PXDNL: variants seen among roughly 807,000 people sequenced by gnomAD.
PXDNL encodes the protein peroxidasin like, also known as probable oxidoreductase PXDNL.
In PXDNL, 145 loss-of-function variants were observed where a neutral mutation model predicts 150.8. The observed-to-expected ratio is 0.96, with a 90% CI of 0.84 to 1.10. The LOEUF (loss-of-function observed/expected upper bound fraction) is 1.10, where lower values mean the gene tolerates loss of function less well. PXDNL is among the 50% of genes least tolerant of loss of function. PXDNL has a pLI of 0.00. For missense variants in PXDNL, 2,087 were observed against 1,873.9 expected (o/e 1.11, Z -2.10); for synonymous variants, 757 against 725.7 (o/e 1.04, Z -0.69).
chr8:51,650,361 A>G (rs775019679), intron 2 of PXDNL, among the ~76,000 whole-genome samples: 2 of 152,178 alleles, frequency 1.3e-5, no homozygotes, highest in Non-Finnish European at 1.5e-5. Flanking sequence ...CACTCACCCT[A>G]TAGCCACCCA....
At chr8:51,618,453 C>CT (rs1814174801) in intron 2 of PXDNL, among the ~76,000 whole-genome samples, 2 of 152,210 alleles carry the variant, frequency 1.3e-5, no homozygotes, top group Non-Finnish European at 2.9e-5. Context: ...CTCCAGTAAA[C>CT]TTTATCTGCT....
At chr8:51,616,387 C>T (rs1284013870) in intron 2 of PXDNL, among the ~76,000 whole-genome samples, 1 of 152,200 alleles carries the variant, frequency 6.6e-6, no homozygotes, top group African/African-American at 2.4e-5. Flanking sequence ...CTCCCTACAA[C>T]TTACCTTCGA....
intron 2 of PXDNL, among the ~76,000 whole-genome samples, chr8:51,617,528 C>T (rs751456873): frequency 7.9e-5 from 12 of 152,116 alleles, no homozygotes; most frequent in Non-Finnish European, 1.6e-4. Flanking sequence ...TTCACATGCG[C>T]CACATAGAGG....
chr8:51,593,687 T>G (rs1365510505), intron 2 of PXDNL, among the ~76,000 whole-genome samples: 1 of 152,194 alleles, frequency 6.6e-6, no homozygotes, highest in Admixed American at 6.5e-5. Flanking sequence ...TCCTAACTGA[T>G]TCACTGTAGG....
rs2130790676 is a variant in PXDNL, at chr8:51,374,668, A to G, written c.3621T>C (p.Pro1207=). Residue 1207 remains proline, a synonymous_variant, in exon 18 of 23, where the codon CCT becomes CCC. Transcript: ENST00000356297. ...TAAGTGTTGGTCCCACTCTTGTACC[A>G]GGAATCAGGTCTTCAACCATAAGGG... ...WPALMVEDLI[P]GTRVGPTLMC... is the part of the protein sequence containing the mutation. 1.2e-6 allele frequency: 2 copies of G among 1,613,968 alleles called. No individual in the cohort carries two copies. Among genetic ancestry groups the G allele is most frequent in the East Asian group, 2.2e-5 (1 of 44,876 alleles).
chr8:51,595,939 C>A (rs1455212895), intron 2 of PXDNL, among the ~76,000 whole-genome samples: 1 of 152,026 alleles, frequency 6.6e-6, no homozygotes, highest in African/African-American at 2.4e-5. Context: ...GGCACATGTG[C>A]AGATATGTTA....
chr8:51,744,829 CAGAA>C lies in PXDNL; in HGVS notation c.164+64348_164+64351del, dbSNP rs1412523446. 1.1e-3 allele frequency among the ~76,000 whole-genome samples: 133 copies of C among 124,866 alleles called. 1 individual carries two copies. The highest frequency in any genetic ancestry group is 6.8e-3 in the Middle Eastern group (1 of 146). The allele number at this position is 124,866 out of a possible 152,430, so 81.9% of individuals were successfully genotyped here. The stretch of plus-strand genomic sequence containing the variant: ...AGAAAGAAAGAGAAAGAAGGACAGA[CAGAA>C]AGAAAAGGAAGGAAGGAAAGAAGGA... On this transcript the variant is annotated intron_variant, in intron 1 of 22. Coordinates refer to ENST00000356297, the MANE Select transcript of PXDNL (RefSeq NM_144651.5).
At chr8:51,480,413 A>G (rs1810574930) in intron 6 of PXDNL, among the ~76,000 whole-genome samples, 1 of 152,100 alleles carries the variant, frequency 6.6e-6, no homozygotes, top group African/African-American at 2.4e-5. Context: ...AAAGCAGGAG[A>G]AAAGGTGGAG....
intron 21 of PXDNL, among the ~76,000 whole-genome samples, chr8:51,325,423 G>A (rs894438785): frequency 2.0e-5 from 3 of 152,282 alleles, no homozygotes; most frequent in South Asian, 2.1e-4. Flanking sequence ...CTTGGCCTCC[G>A]TTGACACACA....
intron 1 of PXDNL, among the ~76,000 whole-genome samples, chr8:51,668,601 T>C (rs963904070): frequency 3.3e-5 from 5 of 152,182 alleles, no homozygotes; most frequent in African/African-American, 1.2e-4. Flanking sequence ...TGTACAAATG[T>C]ATATGACTGC....
intron 4 of PXDNL, among the ~76,000 whole-genome samples, chr8:51,536,029 C>G (rs1049156370): frequency 1.3e-5 from 2 of 152,156 alleles, no homozygotes; most frequent in Non-Finnish European, 2.9e-5. Flanking sequence ...TCAGTGCAAC[C>G]AGAGCATGTG....
At chr8:51,686,374 A>G (rs891978999) in intron 1 of PXDNL, among the ~76,000 whole-genome samples, 2 of 152,244 alleles carry the variant, frequency 1.3e-5, no homozygotes, top group Non-Finnish European at 2.9e-5. Flanking sequence ...TACTTGGAGT[A>G]ACAGAAGCAT....
intron 4 of PXDNL, among the ~76,000 whole-genome samples, chr8:51,533,095 T>G (rs765867224): frequency 3.3e-5 from 5 of 152,194 alleles, no homozygotes; most frequent in Non-Finnish European, 7.3e-5. Flanking sequence ...TGAATCAGAA[T>G]CTTCTTTTAA....
At chr8:51,340,924 T>C (rs1805968014) in intron 20 of PXDNL, among the ~76,000 whole-genome samples, 1 of 152,238 alleles carries the variant, frequency 6.6e-6, no homozygotes, top group African/African-American at 2.4e-5. Context: ...CAGTGTCTAA[T>C]CAAAGGTATT....
chr8:51,758,209 G>A (rs2037123631), intron 1 of PXDNL, among the ~76,000 whole-genome samples: 1 of 151,910 alleles, frequency 6.6e-6, no homozygotes, highest in South Asian at 2.1e-4. Flanking sequence ...AGTCACCAGT[G>A]GAGTCACCAC....
chr8:51,441,418 A>G (rs1242666077), intron 12 of PXDNL, among the ~76,000 whole-genome samples: 2 of 152,208 alleles, frequency 1.3e-5, no homozygotes, highest in Non-Finnish European at 2.9e-5. Context: ...AGCGGAGACT[A>G]GCAATTACTT....
intron 1 of PXDNL, among the ~76,000 whole-genome samples, chr8:51,733,186 G>A (rs987806181): frequency 6.6e-6 from 1 of 152,146 alleles, no homozygotes; most frequent in Non-Finnish European, 1.5e-5. Flanking sequence ...AATCTAAGAG[G>A]AAAAGGAAAA....
At chr8:51,433,896 A>T (rs897283926) in intron 12 of PXDNL, among the ~76,000 whole-genome samples, 23 of 152,128 alleles carry the variant, frequency 1.5e-4, no homozygotes, top group Admixed American at 7.9e-4. Flanking sequence ...ATTTTATTCA[A>T]TGTCACACCT....
At chr8:51,508,423 C>G (rs1811335927) in intron 4 of PXDNL, among the ~76,000 whole-genome samples, 2 of 152,246 alleles carry the variant, frequency 1.3e-5, no homozygotes, top group Non-Finnish European at 2.9e-5. Flanking sequence ...CTTCTTAGTC[C>G]TTTCCCTAGT....
Sources: gnomAD v4.1 joint callset for allele counts (sites outside exome capture counted in the v4.1 genomes callset) on GRCh38, gnomAD v4.1.1 for gene constraint, MANE v1.5 for transcripts, NCBI Gene and HGNC (gene_info 2026-07-23, HGNC 2026-07-21) for gene names.